Variants in PLPP3 observed in about 807,000 individuals in gnomAD.
PLPP3 encodes the protein phospholipid phosphatase 3, also known as PAP2 beta.
In PLPP3, 6 loss-of-function variants were observed where a neutral mutation model predicts 29.6. That is an observed-to-expected ratio of 0.20 (90% CI 0.11 to 0.40). PLPP3 has a LOEUF of 0.40. Ranked by LOEUF, PLPP3 falls within the 10% of genes least tolerant of loss-of-function variation. The pLI, the probability that PLPP3 is intolerant of heterozygous loss-of-function variation, is 1.00. For missense variants in PLPP3, 308 were observed against 407.7 expected (o/e 0.76, Z 2.11); for synonymous variants, 152 against 159.7 (o/e 0.95, Z 0.36).
At chr1:56,556,426 C>T (rs1207031152) in intron 1 of PLPP3, among the ~76,000 whole-genome samples, 3 of 151,966 alleles carry the variant, frequency 2.0e-5, no homozygotes, top group African/African-American at 7.3e-5. Context: ...CATAGAAGAT[C>T]ATATGTATAT....
intron 1 of PLPP3, among the ~76,000 whole-genome samples, chr1:56,559,112 G>T (rs1388493539): frequency 6.6e-6 from 1 of 152,194 alleles, no homozygotes; most frequent in Non-Finnish European, 1.5e-5. Context: ...CCTCAGGTTG[G>T]AGTAGTGAGG....
intron 1 of PLPP3, 70 bp from the exon 2 acceptor site, chr1:56,537,182 C>T: frequency 1.4e-6 from 2 of 1,480,900 alleles, no homozygotes; most frequent in South Asian, 1.2e-5. Flanking sequence ...ACATCAGTGC[C>T]AAAGAGGAAC....
chr1:56,549,264 T>A (rs1646023680), intron 1 of PLPP3, among the ~76,000 whole-genome samples: 1 of 152,192 alleles, frequency 6.6e-6, no homozygotes, highest in African/African-American at 2.4e-5. Flanking sequence ...AAGCCTCAAG[T>A]GGTCCAAGGT....
At position 56,494,855 on chromosome 1, in the gene PLPP3, T is replaced by C. The variant is rs1482033444; in HGVS notation, c.*1696A>G. On this transcript the variant is annotated 3_prime_UTR_variant, in exon 6 of 6. Coordinates refer to ENST00000371250, the MANE Select transcript of PLPP3 (RefSeq NM_003713.5). ...TCACTTTGTATGCTACAAAAGTCTTTGAATATTATTCTCTTTACAAAATGG... is the reference window on the plus strand; with the variant it reads ...TCACTTTGTATGCTACAAAAGTCTTCGAATATTATTCTCTTTACAAAATGG... 1 of 152,676 alleles carries C rather than the reference T, an allele frequency of 6.5e-6. No individual in the cohort carries two copies. The highest frequency in any genetic ancestry group is 2.4e-5 in the African/African-American group (1 of 41,466). The allele number at this position is 152,676 out of a possible 1,614,324, so 9.5% of individuals were successfully genotyped here. A position where few individuals can be genotyped will look rare whatever the true frequency, so the allele number is the denominator to read the frequency against.
rs1490235227 is a variant in PLPP3 at position 56,495,015 on chromosome 1, T to C, written c.*1536A>G. 6.6e-6 allele frequency: 1 copy of C among 152,654 alleles called. No homozygotes were observed. Among genetic ancestry groups the C allele is most frequent in the Non-Finnish European group, 1.5e-5 (1 of 68,038 alleles). 9.5% of individuals were successfully genotyped at this position (152,654 alleles called of 1,614,324 possible). On this transcript the variant is annotated 3_prime_UTR_variant, in exon 6 of 6. Coordinates refer to ENST00000371250, the MANE Select transcript of PLPP3 (RefSeq NM_003713.5). ...TTTAAAAAAATTAACTCAATGCTTT[T>C]TTAAGCAGCTAATGTAAATAACACA...
intron 1 of PLPP3, among the ~76,000 whole-genome samples, chr1:56,546,422 A>C (rs888824023): frequency 2.6e-5 from 4 of 152,238 alleles, no homozygotes; most frequent in African/African-American, 9.6e-5. Flanking sequence ...TGAAAATAGA[A>C]ATAACTCTTG....
chr1:56,533,838 A>G (rs1645906765), intron 2 of PLPP3, among the ~76,000 whole-genome samples: 1 of 152,232 alleles, frequency 6.6e-6, no homozygotes, highest in African/African-American at 2.4e-5. Context: ...AGAATGAGTA[A>G]GCACTCAAGT....
At chr1:56,499,611 C>T (rs888379328) in intron 5 of PLPP3, among the ~76,000 whole-genome samples, 2 of 152,286 alleles carry the variant, frequency 1.3e-5, no homozygotes, top group East Asian at 1.9e-4. Flanking sequence ...ACTGCCTGCA[C>T]GGAGCCAAGC....
At chr1:56,576,316 T>C (rs1646235434) in intron 1 of PLPP3, among the ~76,000 whole-genome samples, 1 of 152,178 alleles carries the variant, frequency 6.6e-6, no homozygotes, top group Non-Finnish European at 1.5e-5. Context: ...CAATAAACTA[T>C]ATAAAAATTA....
rs1000566137 is a variant in PLPP3, at chr1:56,496,220, G to A, written c.*331C>T. The stretch of plus-strand genomic sequence containing the variant: ...AATTTTTGCTTTTCTCACAGGCCTG[G>A]GATTCCTCAGGTCACAAAAGGTGAC... On this transcript the variant is annotated 3_prime_UTR_variant, in exon 6 of 6. Transcript: ENST00000371250. 4.3e-5 allele frequency: 9 copies of A among 210,408 alleles called. No individual in the cohort carries two copies. Among genetic ancestry groups the A allele is most frequent in the Admixed American group, 5.3e-5 (1 of 18,810 alleles). The allele number at this position is 210,408 out of a possible 1,614,324, so 13.0% of individuals were successfully genotyped here.
At chr1:56,571,677 T>C (rs1020265242) in intron 1 of PLPP3, among the ~76,000 whole-genome samples, 2 of 152,200 alleles carry the variant, frequency 1.3e-5, no homozygotes, top group Non-Finnish European at 2.9e-5. Flanking sequence ...TATTTACATA[T>C]TACTCTGTCT....
chr1:56,567,647 T>TTC (rs1357141766), intron 1 of PLPP3, among the ~76,000 whole-genome samples: 1 of 152,156 alleles, frequency 6.6e-6, no homozygotes, highest in Non-Finnish European at 1.5e-5. Flanking sequence ...TCCACCCGCC[T>TTC]CGGCCTCCCA....
chr1:56,553,187 G>A (rs1032220978), intron 1 of PLPP3, among the ~76,000 whole-genome samples: 1 of 152,202 alleles, frequency 6.6e-6, no homozygotes, highest in Non-Finnish European at 1.5e-5. Flanking sequence ...TGATTCATGT[G>A]TGTGGCTTTC....
At chr1:56,531,460 G>A (rs2100259171) in intron 2 of PLPP3, among the ~76,000 whole-genome samples, 1 of 152,276 alleles carries the variant, frequency 6.6e-6, no homozygotes, top group African/African-American at 2.4e-5. Flanking sequence ...CTTGCTATAA[G>A]GGAGGTATCA....
At chr1:56,513,509 C>T (rs1475213121) in intron 4 of PLPP3, 1 of 152,468 alleles carries the variant, frequency 6.6e-6, no homozygotes, top group Non-Finnish European at 1.5e-5. Context: ...GGACACCTTC[C>T]TTCGGTGGCA....
rs1403829618 is a variant in PLPP3 at position 56,524,718 on chromosome 1, G to C, written c.298-164C>G. Among the ~76,000 whole-genome samples, 1 of 151,998 alleles carries C rather than the reference G, an allele frequency of 6.6e-6. No individual in the cohort carries two copies. The highest frequency in any genetic ancestry group is 1.5e-5 in the Non-Finnish European group (1 of 67,998). ...AGACACAAATATGCACAGAAGAAAA[G>C]ATCAAAGCGCTAATATAGTTGGGTG... On this transcript the variant is annotated intron_variant, in intron 2 of 5. Coordinates refer to ENST00000371250, the MANE Select transcript of PLPP3 (RefSeq NM_003713.5). The surrounding 1 kb of genome is among the most constrained non-coding windows in gnomAD (Gnocchi z 4.3).
intron 4 of PLPP3, 115 bp downstream of exon 4, chr1:56,523,708 C>T (rs1457935754): frequency 4.1e-6 from 5 of 1,205,832 alleles, no homozygotes; most frequent in Non-Finnish European, 6.0e-6. Context: ...TAGCTAACCT[C>T]TTTTTCAAGG....
intron 4 of PLPP3, chr1:56,513,746 C>T (rs1003714645): frequency 6.6e-6 from 1 of 152,084 alleles, no homozygotes; most frequent in Non-Finnish European, 1.5e-5. Flanking sequence ...CAAAAAAGAT[C>T]ACACTGAGGC....
intron 4 of PLPP3, among the ~76,000 whole-genome samples, chr1:56,516,725 C>T (rs1298106720): frequency 6.6e-6 from 1 of 150,754 alleles, no homozygotes; most frequent in African/African-American, 2.4e-5. Context: ...CTACGTACAG[C>T]TTGTATATAA....
Sources: allele counts gnomAD v4.1 joint callset (sites outside exome capture counted in the v4.1 genomes callset), GRCh38; gene constraint gnomAD v4.1.1; non-coding constraint Gnocchi (gnomAD v3.1); transcripts MANE v1.5; gene names NCBI Gene and HGNC (gene_info 2026-07-23, HGNC 2026-07-21).